EPB41: variants seen among roughly 807,000 people sequenced by gnomAD.
EPB41 encodes the protein erythrocyte membrane protein band 4.1.
EPB41 carries 65 observed loss-of-function variants against 108.0 expected under a neutral mutation model. That is an observed-to-expected ratio of 0.60 (90% CI 0.49 to 0.74). The LOEUF is 0.74. Ranked by LOEUF, EPB41 falls within the 30% of genes least tolerant of loss-of-function variation. The probability of loss-of-function intolerance (pLI) is 0.00; values close to 1 mark genes in which losing one functional copy is unlikely to be tolerated. For missense variants in EPB41, 875 were observed against 1,037.0 expected (o/e 0.84, Z 2.15); for synonymous variants, 336 against 358.9 (o/e 0.94, Z 0.72).
chr1:28,976,195 G>A (rs535216296), intron 1 of EPB41, among the ~76,000 whole-genome samples: 1 of 152,202 alleles, frequency 6.6e-6, no homozygotes, highest in Admixed American at 6.5e-5. Flanking sequence ...ATTAATGCAT[G>A]ACTCCATGAT....
chr1:28,919,420 T>G (rs1484098440), intron 1 of EPB41, among the ~76,000 whole-genome samples: 1 of 152,092 alleles, frequency 6.6e-6, no homozygotes, highest in African/African-American at 2.4e-5. Context: ...TATCCAAATA[T>G]TCTGTCTCTC....
At chr1:29,038,823 G>A (rs1247431815) in intron 10 of EPB41, among the ~76,000 whole-genome samples, 1 of 152,190 alleles carries the variant, frequency 6.6e-6, no homozygotes, top group African/African-American at 2.4e-5. Context: ...AGTTTGGAGT[G>A]CATTTGACAA....
chr1:28,929,211 T>A (rs2093604951), intron 1 of EPB41, among the ~76,000 whole-genome samples: 1 of 152,002 alleles, frequency 6.6e-6, no homozygotes, highest in African/African-American at 2.4e-5. Flanking sequence ...GGCCTTCTTT[T>A]TTTATTTTAA....
At chr1:29,011,792 T>A (rs1437299176) in intron 4 of EPB41, 73 bp from the exon 5 acceptor site, 2 of 1,513,964 alleles carry the variant, frequency 1.3e-6, no homozygotes, top group African/African-American at 2.8e-5. Flanking sequence ...AGATAGTCAG[T>A]GATCTTGCTT....
chr1:28,920,487 T>G (rs1001673015), intron 1 of EPB41, among the ~76,000 whole-genome samples: 1 of 152,246 alleles, frequency 6.6e-6, no homozygotes, highest in African/African-American at 2.4e-5. Flanking sequence ...TGGTACTTTC[T>G]ACATTAATAT....
chr1:29,097,625 T>C (rs1663677033), intron 16 of EPB41, 182 bp from the exon 17 acceptor site: 1 of 663,376 alleles, frequency 1.5e-6, no homozygotes, highest in South Asian at 1.8e-5. Context: ...CCCTCATGAT[T>C]TGACACCTTG....
At chr1:28,891,034 G>A in intron 1 of EPB41, 3 of 973,240 alleles carry the variant, frequency 3.1e-6, no homozygotes, top group Non-Finnish European at 3.7e-6. Context: ...AAGGGGCAGA[G>A]GGAGCAACCT....
chr1:29,005,511 A>G (rs745617448), intron 4 of EPB41, among the ~76,000 whole-genome samples: 56 of 152,202 alleles, frequency 3.7e-4, no homozygotes, highest in Non-Finnish European at 7.3e-4. Flanking sequence ...AGCGTCATTC[A>G]TCTATTCTTT....
chr1:29,057,373 C>CAAA (rs72047998), intron 12 of EPB41, among the ~76,000 whole-genome samples: 2,994 of 65,028 alleles, frequency 0.046, 207 homozygotes, highest in Non-Finnish European at 0.064. Flanking sequence ...GACTCTGTCT[C>CAAA]AAAAAAAAAA....
intron 8 of EPB41, among the ~76,000 whole-genome samples, chr1:29,031,522 C>T (rs1301113768): frequency 6.6e-6 from 1 of 152,178 alleles, no homozygotes; most frequent in African/African-American, 2.4e-5. Flanking sequence ...GAGCCAGCAA[C>T]ATTTAACATC....
intron 7 of EPB41, among the ~76,000 whole-genome samples, chr1:29,020,361 C>T (rs2096628980): frequency 6.6e-6 from 1 of 151,980 alleles, no homozygotes; most frequent in Non-Finnish European, 1.5e-5. Context: ...TATTTATATT[C>T]TGGTTATGAT....
In EPB41 at chr1:28,937,786, G is replaced by T. The variant is rs78793260; in HGVS notation, c.-8+23018G>T. 8.0e-3 allele frequency among the ~76,000 whole-genome samples: 1,212 copies of T among 152,272 alleles called. 26 individuals carry two copies. Among genetic ancestry groups the T allele is most frequent in the African/African-American group, 0.027 (1,126 of 41,550 alleles). On this transcript the variant is annotated intron_variant, in intron 1 of 20. Transcript: ENST00000343067. ...AATCATTGCCTAAATCAAAATCATG[G>T]AAATTTACGTCTTATCTTTTCTTCT...
intron 16 of EPB41, among the ~76,000 whole-genome samples, chr1:29,080,264 G>A (rs1048220029): frequency 6.6e-6 from 1 of 151,704 alleles, no homozygotes; most frequent in Non-Finnish European, 1.5e-5. Context: ...GATTACAGAC[G>A]CGAACCACCG....
chr1:29,088,755 C>T (rs1011049203), intron 16 of EPB41, among the ~76,000 whole-genome samples: 30 of 152,138 alleles, frequency 2.0e-4, no homozygotes, highest in African/African-American at 6.3e-4. Context: ...GGAGTTTGGG[C>T]GCTGTTTGTA....
intron 1 of EPB41, among the ~76,000 whole-genome samples, chr1:28,905,030 C>CAAAAAA (rs1221262969): frequency 1.4e-5 from 1 of 72,358 alleles, no homozygotes; most frequent in Non-Finnish European, 2.7e-5. Flanking sequence ...GACTCTGTCT[C>CAAAAAA]AAAAAAAAAA....
chr1:29,114,761 C>G (rs969884353), intron 19 of EPB41, among the ~76,000 whole-genome samples: 4 of 151,398 alleles, frequency 2.6e-5, no homozygotes, highest in Non-Finnish European at 5.9e-5. Context: ...CCTTAATGCA[C>G]TAAGTTGTCA....
intron 1 of EPB41, among the ~76,000 whole-genome samples, chr1:28,929,574 G>A (rs1374446443): frequency 1.4e-5 from 2 of 146,094 alleles, no homozygotes; most frequent in African/African-American, 2.5e-5. Flanking sequence ...TCTTGTTGCC[G>A]GGGCTGGAGT....
At chr1:28,973,466 T>A (rs577315547) in intron 1 of EPB41, among the ~76,000 whole-genome samples, 3 of 152,242 alleles carry the variant, frequency 2.0e-5, no homozygotes, top group East Asian at 3.9e-4. Flanking sequence ...CATAGCTCAC[T>A]GGAGCCTCAA....
chr1:28,969,465 A>G (rs923458925), intron 1 of EPB41, among the ~76,000 whole-genome samples: 3 of 152,082 alleles, frequency 2.0e-5, no homozygotes, highest in African/African-American at 7.2e-5. Context: ...TTTTCTCAGC[A>G]TAAAAACTGT....
Sources: allele counts gnomAD v4.1 joint callset (sites outside exome capture counted in the v4.1 genomes callset), GRCh38; gene constraint gnomAD v4.1.1; transcripts MANE v1.5; gene names NCBI Gene and HGNC (gene_info 2026-07-23, HGNC 2026-07-21).